DNAH9: variants seen among roughly 807,000 people sequenced by gnomAD.
DNAH9 encodes DNAH9 variant protein.
In DNAH9, 345 loss-of-function variants were observed where a neutral mutation model predicts 471.6. The observed-to-expected ratio is 0.73, with a 90% CI of 0.67 to 0.80. The LOEUF (loss-of-function observed/expected upper bound fraction) is 0.80, where lower values mean the gene tolerates loss of function less well. DNAH9 is among the 30% of genes least tolerant of loss of function. The pLI is 0.00. For missense variants in DNAH9, 5,407 were observed against 5,609.2 expected, an observed-to-expected ratio of 0.96 and a Z score of 1.15; for synonymous variants, 2,093 against 2,123.6, an observed-to-expected ratio of 0.99 and a Z score of 0.40.
intron 50 of DNAH9, among the ~76,000 whole-genome samples, chr17:11,855,629 T>G (rs1448740033): frequency 4.6e-5 from 7 of 152,254 alleles, no homozygotes; most frequent in Non-Finnish European, 1.0e-4. Flanking sequence ...CTGCCTGTCC[T>G]GTGACTCGAG....
In DNAH9 at chr17:11,905,726, C is replaced by G. The variant is rs1355800948; in HGVS notation, c.11666C>G (p.Ser3889Ter). ...VVGRALDFAT[S>*]FEESGPATPM... is the part of the protein sequence containing the mutation. ...GGAAGAGCCCTAGATTTTGCAACCT[C>G]ATTTGAAGAATCGGGACCAGCCACT... is the stretch of plus-strand genomic sequence containing the variant. Residue 3889 changes from serine to a stop codon, truncating the protein, a stop_gained, in exon 61 of 69, where the codon TCA (serine) becomes TGA (stop). Coordinates refer to ENST00000262442, the MANE Select transcript of DNAH9 (RefSeq NM_001372.4). LOFTEE classifies it high-confidence loss of function. 2.5e-6 allele frequency: 4 copies of G among 1,614,156 alleles called. No individual in the cohort carries two copies. The highest frequency in any genetic ancestry group is 3.4e-6 in the Non-Finnish European group (4 of 1,180,016).
intron 48 of DNAH9, among the ~76,000 whole-genome samples, chr17:11,830,641 G>A (rs188999571): frequency 1.3e-5 from 2 of 152,296 alleles, no homozygotes; most frequent in African/African-American, 2.4e-5. Flanking sequence ...AGAAAATCTT[G>A]AGATTACATG....
intron 50 of DNAH9, among the ~76,000 whole-genome samples, chr17:11,866,669 C>T (rs1466147448): frequency 6.6e-6 from 1 of 152,220 alleles, no homozygotes; most frequent in Non-Finnish European, 1.5e-5. Flanking sequence ...GTGGTGGGCT[C>T]CACCCAGTTG....
At chr17:11,864,889 A>C (rs893963995) in intron 50 of DNAH9, among the ~76,000 whole-genome samples, 7 of 151,830 alleles carry the variant, frequency 4.6e-5, no homozygotes, top group Non-Finnish European at 7.4e-5. Context: ...ATCTTCCTCC[A>C]TCCTTTTATT....
At chr17:11,834,073 A>G (rs1180106669) in intron 48 of DNAH9, among the ~76,000 whole-genome samples, 3 of 151,972 alleles carry the variant, frequency 2.0e-5, no homozygotes, top group African/African-American at 7.2e-5. Context: ...TCATGCCTGT[A>G]ATTTCAACCC....
chr17:11,961,810 T>C, intron 67 of DNAH9, 57 bp from the exon 68 acceptor site: 1 of 1,533,890 alleles, frequency 6.5e-7, no homozygotes, highest in South Asian at 1.3e-5. Context: ...TGAGGCCAGG[T>C]GTTTTCAGGG....
rs1450341259 is a variant in DNAH9 at position 11,937,977 on chromosome 17, G to A, written c.12660+455G>A. Among the ~76,000 whole-genome samples, 2 of 152,186 alleles carry A rather than the reference G, an allele frequency of 1.3e-5. No individual in the cohort carries two copies. The highest frequency in any genetic ancestry group is 4.8e-5 in the African/African-American group (2 of 41,434). On this transcript the variant is annotated intron_variant, in intron 66 of 68. Transcript: ENST00000262442. The surrounding 1 kb of genome is among the most constrained non-coding windows in gnomAD (Gnocchi z 4.1). ...GAACACAGTCCTTCATAATGCAAAC[G>A]CCTTCCCTTCGTGTGAATGGCTTCT...
chr17:11,951,403 A>G (rs1409796346), intron 67 of DNAH9, among the ~76,000 whole-genome samples: 3 of 152,212 alleles, frequency 2.0e-5, no homozygotes, highest in African/African-American at 7.2e-5. Context: ...AATGTAAGCC[A>G]GGCATGGTGG....
At position 11,694,308 on chromosome 17, in the gene DNAH9, TCTGTGCCCTCAGA is replaced by T. The variant is rs1327683740; in HGVS notation, c.4746-12_4746del. 6.2e-7 allele frequency: 1 copy of T among 1,613,838 alleles called. No homozygotes were observed. The highest frequency in any genetic ancestry group is 1.1e-5 in the South Asian group (1 of 91,040). On this transcript the variant is annotated splice_acceptor_variant and splice_polypyrimidine_tract_variant and coding_sequence_variant and intron_variant, in exon 22 of 69. Coordinates refer to ENST00000262442, the MANE Select transcript of DNAH9 (RefSeq NM_001372.4). LOFTEE classifies it high-confidence loss of function. The stretch of plus-strand genomic sequence containing the variant: ...CATTCTTAACTGGGAAATTCTATGT[TCTGTGCCCTCAGA>T]TTGTGCCTGTGTGAGAAGGCCCTGG...
chr17:11,695,269 A>G (rs1432564803), intron 22 of DNAH9, among the ~76,000 whole-genome samples: 3 of 152,176 alleles, frequency 2.0e-5, no homozygotes, highest in African/African-American at 7.2e-5. Flanking sequence ...CTAACAAAGA[A>G]CTGAGAAACT....
intron 67 of DNAH9, among the ~76,000 whole-genome samples, chr17:11,954,205 A>AT (rs1975526178): frequency 6.6e-6 from 1 of 151,860 alleles, no homozygotes; most frequent in Non-Finnish European, 1.5e-5. Flanking sequence ...CATACATGTA[A>AT]TTGGTGTCCC....
intron 66 of DNAH9, among the ~76,000 whole-genome samples, chr17:11,941,514 C>G (rs74595457): frequency 0.011 from 1,619 of 152,266 alleles, 30 homozygotes; most frequent in African/African-American, 0.037. Context: ...TTCCAGTTTT[C>G]CAGGAGAGAG....
chr17:11,651,593 C>T (rs555959403), intron 13 of DNAH9, among the ~76,000 whole-genome samples: 1 of 152,276 alleles, frequency 6.6e-6, no homozygotes, highest in Non-Finnish European at 1.5e-5. Flanking sequence ...CTACAGTCTC[C>T]AGCATATATT....
At chr17:11,934,333 G>A (rs1251782726) in intron 65 of DNAH9, among the ~76,000 whole-genome samples, 3 of 151,428 alleles carry the variant, frequency 2.0e-5, no homozygotes, top group African/African-American at 2.4e-5. Context: ...GAGATCTTTC[G>A]ATTCTTGATG....
At chr17:11,858,090 G>C (rs1174467213) in intron 50 of DNAH9, among the ~76,000 whole-genome samples, 1 of 152,184 alleles carries the variant, frequency 6.6e-6, no homozygotes, top group African/African-American at 2.4e-5. Flanking sequence ...TCTGGGTGAT[G>C]AATTTTGGAT....
intron 18 of DNAH9, 33 bp from the exon 19 acceptor site, chr17:11,680,690 G>A: frequency 2.5e-6 from 4 of 1,605,544 alleles, no homozygotes; most frequent in Non-Finnish European, 3.4e-6. Context: ...AGAGCACCTT[G>A]GGAATCTGAC....
intron 28 of DNAH9, among the ~76,000 whole-genome samples, chr17:11,732,440 A>G (rs1475048844): frequency 3.3e-5 from 5 of 151,994 alleles, no homozygotes; most frequent in African/African-American, 1.2e-4. Context: ...TTCAGAAGCC[A>G]CACCAGCTGC....
chr17:11,956,095 C>A (rs1975624974), intron 67 of DNAH9, among the ~76,000 whole-genome samples: 6 of 151,830 alleles, frequency 4.0e-5, no homozygotes, highest in Admixed American at 3.9e-4. Flanking sequence ...ATTACCAAAA[C>A]AAAGGACAAA....
chr17:11,719,441 T>C lies in DNAH9; in HGVS notation c.5660T>C (p.Leu1887Pro), dbSNP rs778001850. The C allele has an allele frequency of 6.2e-7, 1 of 1,613,548 alleles. No homozygotes were observed. Among genetic ancestry groups the C allele is most frequent in the South Asian group, 1.1e-5 (1 of 90,998 alleles). Residue 1887 changes from leucine (L) to proline (P), a missense_variant, in exon 27 of 69, where the codon CTG becomes CCG. By Grantham distance (98) the Leu-to-Pro change is moderately conservative (BLOSUM62 -3). This residue lies in a region of DNAH9 where 4,636 missense variants were observed against 4,900.3 expected (regional missense o/e 0.95). Transcript: ENST00000262442. ...TETTKDLGRA[L>P]GILVYVFNCS... Reference sequence around the variant, plus strand: ...ACCACCAAGGACCTGGGCCGCGCACTGGGCATCCTGGTCTATGTGTTCAAC... The same window carrying C: ...ACCACCAAGGACCTGGGCCGCGCACCGGGCATCCTGGTCTATGTGTTCAAC...
Sources: allele counts gnomAD v4.1 joint callset (sites outside exome capture counted in the v4.1 genomes callset), GRCh38; gene constraint gnomAD v4.1.1; regional missense constraint gnomAD v4.1.1; non-coding constraint Gnocchi (gnomAD v3.1); transcripts MANE v1.5; gene names NCBI Gene and HGNC (gene_info 2026-07-23, HGNC 2026-07-21).